SEMA3A: variants seen among roughly 807,000 people sequenced by gnomAD.
SEMA3A encodes semaphorin-3A.
SEMA3A carries 29 observed loss-of-function variants against 97.9 expected under a neutral mutation model. That is an observed-to-expected ratio of 0.30 (90% confidence interval 0.22 to 0.40). SEMA3A has a LOEUF of 0.40. Among genes scored for constraint, SEMA3A ranks in the 10% least tolerant of loss-of-function variants. The pLI, the probability that SEMA3A is intolerant of heterozygous loss-of-function variation, is 1.00. For missense variants in SEMA3A, 763 were observed against 951.3 expected, an observed-to-expected ratio of 0.80 and a Z score of 2.60; for synonymous variants, 321 against 323.7, an observed-to-expected ratio of 0.99 and a Z score of 0.09.
intron 4 of SEMA3A, among the ~76,000 whole-genome samples, chr7:84,066,918 C>G (rs1793527871): frequency 6.6e-6 from 1 of 152,148 alleles, no homozygotes; most frequent in South Asian, 2.1e-4. Flanking sequence ...TTGGAAAAAA[C>G]TGCTTTAAAG....
intron 2 of SEMA3A, among the ~76,000 whole-genome samples, chr7:84,358,852 T>C (rs1467726013): frequency 5.3e-5 from 8 of 152,282 alleles, no homozygotes; most frequent in Non-Finnish European, 8.8e-5. Flanking sequence ...AGGTCCTTCA[T>C]ATCCCTTGTA....
intron 2 of SEMA3A, among the ~76,000 whole-genome samples, chr7:84,317,488 T>C (rs751763399): frequency 1.3e-5 from 2 of 152,206 alleles, no homozygotes; most frequent in Non-Finnish European, 2.9e-5. Context: ...TATCATAAGA[T>C]AGCTTCCTTC....
At chr7:84,403,638 C>T (rs1382994450) in intron 1 of SEMA3A, among the ~76,000 whole-genome samples, 5 of 152,162 alleles carry the variant, frequency 3.3e-5, no homozygotes, top group African/African-American at 7.2e-5. Context: ...AACTGGGAGG[C>T]ACCCCCAGTA....
At chr7:84,214,921 G>C (rs1454323844) in intron 3 of SEMA3A, among the ~76,000 whole-genome samples, 1 of 151,414 alleles carries the variant, frequency 6.6e-6, no homozygotes, top group Non-Finnish European at 1.5e-5. Flanking sequence ...GGCTGGTCTT[G>C]AACTCCTGAC....
At chr7:83,968,650 A>ATG (rs1289736162) in intron 15 of SEMA3A, among the ~76,000 whole-genome samples, 1 of 152,016 alleles carries the variant, frequency 6.6e-6, no homozygotes, top group African/African-American at 2.4e-5. Flanking sequence ...TTCTTGCTCT[A>ATG]TGTGTGTGAC....
At chr7:84,086,664 T>TATATATGTATATATATGGA (rs909471852) in intron 4 of SEMA3A, among the ~76,000 whole-genome samples, 4 of 146,648 alleles carry the variant, frequency 2.7e-5, no homozygotes, top group Non-Finnish European at 6.0e-5. Context: ...GCACAACTCA[T>TATATATGTATATATATGGA]ATATATGTAT....
chr7:84,469,217 C>T (rs977492392), intron 1 of SEMA3A, among the ~76,000 whole-genome samples: 1 of 152,134 alleles, frequency 6.6e-6, no homozygotes, highest in Non-Finnish European at 1.5e-5. Flanking sequence ...ATATTACTTC[C>T]TGTCTTTGGG....
At chr7:84,324,901 T>C (rs957246727) in intron 2 of SEMA3A, among the ~76,000 whole-genome samples, 5 of 152,136 alleles carry the variant, frequency 3.3e-5, no homozygotes, top group African/African-American at 1.2e-4. Context: ...AAGGCATGTG[T>C]GGCATTGTAG....
chr7:84,369,452 A>T (rs2116095536), intron 2 of SEMA3A, among the ~76,000 whole-genome samples: 1 of 151,332 alleles, frequency 6.6e-6, no homozygotes, highest in Non-Finnish European at 1.5e-5. Flanking sequence ...CATAAATAGA[A>T]ACTGAAATGT....
intron 3 of SEMA3A, among the ~76,000 whole-genome samples, chr7:84,285,970 C>CAA (rs564063430): frequency 0.016 from 1,130 of 70,064 alleles, 27 homozygotes; most frequent in African/African-American, 0.044. Context: ...GACCCCATCT[C>CAA]AAAAAAAAAA....
intron 3 of SEMA3A, among the ~76,000 whole-genome samples, chr7:84,117,545 G>C (rs1461971069): frequency 3.3e-5 from 5 of 152,186 alleles, no homozygotes; most frequent in Non-Finnish European, 5.9e-5. Context: ...TCCGCCTTCT[G>C]TCTGATCAGC....
chr7:84,003,665 G>C (rs1790548443), intron 11 of SEMA3A, among the ~76,000 whole-genome samples: 1 of 152,120 alleles, frequency 6.6e-6, no homozygotes, highest in African/African-American at 2.4e-5. Context: ...GTGAGTGAGA[G>C]ACTTCTCAAT....
At chr7:84,260,527 C>G (rs998332276) in intron 3 of SEMA3A, among the ~76,000 whole-genome samples, 1 of 151,684 alleles carries the variant, frequency 6.6e-6, no homozygotes, top group Admixed American at 6.6e-5. Context: ...CCTGAAGGCT[C>G]GAAAGTGCCT....
At chr7:84,196,395 CTGCCGTTGGATG>C (rs557373023), upstream of SEMA3A, among the ~76,000 whole-genome samples, 161 of 152,100 alleles carry the variant, frequency 1.1e-3, 4 homozygotes, top group East Asian at 0.027. Context: ...CTCTCCCTCT[CTGCCGTTGGATG>C]TGTGGCTTGT....
At chr7:84,437,565 C>T (rs1005242673) in intron 1 of SEMA3A, among the ~76,000 whole-genome samples, 164 of 131,244 alleles carry the variant, frequency 1.2e-3, no homozygotes, top group African/African-American at 4.1e-3. Flanking sequence ...CTAATGCTGG[C>T]TTTTTTTTTT....
chr7:84,492,297 A>T (rs1562964614), intron 1 of SEMA3A, among the ~76,000 whole-genome samples: 1 of 152,258 alleles, frequency 6.6e-6, no homozygotes, highest in South Asian at 2.1e-4. Flanking sequence ...TATTAATGAC[A>T]GTGCCAGGGC....
chr7:84,210,470 A>G (rs779126436), intron 3 of SEMA3A, among the ~76,000 whole-genome samples: 3 of 151,574 alleles, frequency 2.0e-5, no homozygotes, highest in Non-Finnish European at 4.4e-5. Flanking sequence ...AATGGGAACA[A>G]TTTTGTCATT....
intron 3 of SEMA3A, among the ~76,000 whole-genome samples, chr7:84,114,510 A>G (rs1795366658): frequency 6.6e-6 from 1 of 152,126 alleles, no homozygotes; most frequent in Admixed American, 6.6e-5. Flanking sequence ...ATTTTGGTGC[A>G]TAATCTAGCA....
intron 2 of SEMA3A, among the ~76,000 whole-genome samples, chr7:84,358,216 C>T (rs1276644730): frequency 1.3e-5 from 2 of 152,156 alleles, no homozygotes; most frequent in Admixed American, 1.3e-4. Flanking sequence ...TTGCCCATGC[C>T]TATGTCCTGA....
Sources: allele counts gnomAD v4.1 joint callset (sites outside exome capture counted in the v4.1 genomes callset), GRCh38; gene constraint gnomAD v4.1.1; transcripts MANE v1.5; gene names NCBI Gene and HGNC (gene_info 2026-07-23, HGNC 2026-07-21).